Variants in TMEM230 observed in about 807,000 individuals in gnomAD.
TMEM230 encodes the protein UPF0414 transmembrane protein C20orf30.
TMEM230 carries 10 observed loss-of-function variants against 15.8 expected under a neutral mutation model. The ratio of observed to expected loss-of-function variants is 0.63; its 90% CI spans 0.39 to 1.07. The LOEUF (loss-of-function observed/expected upper bound fraction) is 1.07. Among genes scored for constraint, TMEM230 ranks in the 50% least tolerant of loss-of-function variants. The probability of loss-of-function intolerance (pLI) is 0.01; values close to 1 mark genes in which losing one functional copy is unlikely to be tolerated. For synonymous variants in TMEM230, 67 were observed against 76.9 expected (o/e 0.87, Z 0.68); for missense variants, 165 against 193.3 (o/e 0.85, Z 0.87).
At chr20:5,105,657 C>T (rs1039955459) in intron 4 of TMEM230, among the ~76,000 whole-genome samples, 6 of 152,072 alleles carry the variant, frequency 3.9e-5, no homozygotes, top group Non-Finnish European at 8.8e-5. Context: ...CCCATTTAGC[C>T]TGATGTGATT....
exon 4 of TMEM230, chr20:5,068,916 T>G (rs2088734159): frequency 5.4e-6 from 2 of 372,032 alleles, no homozygotes; most frequent in Non-Finnish European, 9.9e-6. Context: ...GGAATCCTCC[T>G]ACCCTCAGGA....
intron 3 of TMEM230, among the ~76,000 whole-genome samples, chr20:5,081,105 C>T (rs754688024): frequency 1.3e-5 from 2 of 152,216 alleles, no homozygotes; most frequent in Non-Finnish European, 2.9e-5. Context: ...TAAAACAAAA[C>T]TGGTCTTCCA....
chr20:5,088,442 A>G (rs1418585925), intron 3 of TMEM230, among the ~76,000 whole-genome samples: 2 of 152,096 alleles, frequency 1.3e-5, no homozygotes, highest in African/African-American at 4.8e-5. Flanking sequence ...CTCCTAACTC[A>G]GCTAGGTCAG....
intron 4 of TMEM230, among the ~76,000 whole-genome samples, chr20:5,101,775 AC>A (rs1165768463): frequency 3.9e-5 from 6 of 152,082 alleles, no homozygotes. Context: ...TTGGTTCAAG[AC>A]AACTTGGACA....
At position 5,106,078 on chromosome 20, in the gene TMEM230, A is replaced by AC. The variant is rs2090070993; in HGVS notation, c.411+109_411+110insG. ...AAAAAACAGACCACTGGGACGGACA[A>AC]ACACACACACACACACACACACACA... On this transcript the variant is annotated intron_variant, in intron 4 of 4. Coordinates refer to ENST00000342308, the MANE Select transcript of TMEM230 (RefSeq NM_001009923.2). The AC allele has an allele frequency of 1.1e-3, 588 of 550,386 alleles. 38 individuals carry two copies. Among genetic ancestry groups the AC allele is most frequent in the African/African-American group, 2.7e-3 (45 of 16,934 alleles). 34.1% of individuals were successfully genotyped at this position (550,386 alleles called of 1,614,324 possible).
chr20:5,073,287 C>T (rs531448171), intron 3 of TMEM230, among the ~76,000 whole-genome samples: 82 of 152,320 alleles, frequency 5.4e-4, no homozygotes, highest in African/African-American at 1.7e-3. Flanking sequence ...TGGGAAAGAA[C>T]CAGGAAGGTT....
At chr20:5,111,933 G>T in intron 1 of TMEM230, 1 of 245,498 alleles carries the variant, frequency 4.1e-6, no homozygotes, top group Non-Finnish European at 6.5e-6. Context: ...TGCAACCTCC[G>T]CCTCCAGGGT....
intron 3 of TMEM230, among the ~76,000 whole-genome samples, chr20:5,071,236 C>G (rs1356774883): frequency 6.6e-6 from 1 of 152,146 alleles, no homozygotes; most frequent in Non-Finnish European, 1.5e-5. Context: ...CAGAGCCAAT[C>G]AAGAACACTC....
At chr20:5,109,716 C>T (rs1460703277) in intron 2 of TMEM230, among the ~76,000 whole-genome samples, 1 of 152,204 alleles carries the variant, frequency 6.6e-6, no homozygotes, top group African/African-American at 2.4e-5. Context: ...ACAGTGAAGA[C>T]ACTCACCAAG....
At chr20:5,097,756 C>T (rs1290788782), downstream of TMEM230, among the ~76,000 whole-genome samples, 2 of 151,974 alleles carry the variant, frequency 1.3e-5, no homozygotes, top group East Asian at 3.9e-4. Context: ...CTGCCTCAGC[C>T]TCCTGAGTAG....
At chr20:5,067,410 C>CATAT (rs60791101), downstream of TMEM230, 1,365 of 101,540 alleles carry the variant, frequency 0.013, 20 homozygotes, top group Non-Finnish European at 0.016. Context: ...TGTTTAGGCT[C>CATAT]ATATATATAT....
intron 3 of TMEM230, among the ~76,000 whole-genome samples, chr20:5,087,696 C>CTTT (rs561757286): frequency 1.0e-5 from 1 of 99,528 alleles, no homozygotes; most frequent in African/African-American, 3.9e-5. Context: ...GAAAGTATGG[C>CTTT]TTTTTTTTTT....
At chr20:5,075,912 T>C (rs6053081) in intron 3 of TMEM230, among the ~76,000 whole-genome samples, 7,495 of 151,968 alleles carry the variant, frequency 0.049, 570 homozygotes, top group African/African-American at 0.17. Flanking sequence ...GAGACCAGCC[T>C]GGGCCACATA....
intron 2 of TMEM230, among the ~76,000 whole-genome samples, chr20:5,109,976 C>G (rs912101377): frequency 6.6e-6 from 1 of 152,178 alleles, no homozygotes; most frequent in Non-Finnish European, 1.5e-5. Context: ...GCCTATTTCC[C>G]CTTGATAGAG....
the TMEM230 span, among the ~76,000 whole-genome samples, chr20:5,060,047 C>T: frequency 3.9e-5 from 6 of 152,104 alleles, no homozygotes; most frequent in Non-Finnish European, 5.9e-5. Flanking sequence ...GCTGGGATTA[C>T]AGGCATGAGC....
chr20:5,067,171 A>T (rs1473098217), downstream of TMEM230: 1 of 151,780 alleles, frequency 6.6e-6, no homozygotes, highest in African/African-American at 2.4e-5. Context: ...CTTCAGAATT[A>T]TCCGGTGAGG....
chr20:5,066,665 T>C (rs2088658011), downstream of TMEM230, among the ~76,000 whole-genome samples: 1 of 141,032 alleles, frequency 7.1e-6, no homozygotes, highest in Admixed American at 7.3e-5. Context: ...AGAGAGACTC[T>C]GTCTCAAAAA....
At chr20:5,079,749 T>C (rs1379607736) in intron 3 of TMEM230, among the ~76,000 whole-genome samples, 1 of 152,102 alleles carries the variant, frequency 6.6e-6, no homozygotes, top group African/African-American at 2.4e-5. Context: ...GAAAGCCTTA[T>C]TTTCTCTCTC....
At chr20:5,093,687 C>T (rs1381598559) in intron 3 of TMEM230, among the ~76,000 whole-genome samples, 1 of 151,758 alleles carries the variant, frequency 6.6e-6, no homozygotes, top group African/African-American at 2.4e-5. Context: ...CAGGAGTACA[C>T]CACCATGCCT....
Sources: allele counts gnomAD v4.1 joint callset (sites outside exome capture counted in the v4.1 genomes callset), GRCh38; gene constraint gnomAD v4.1.1; transcripts MANE v1.5; gene names NCBI Gene and HGNC (gene_info 2026-07-23, HGNC 2026-07-21).